ROBO1: variants seen among roughly 807,000 people sequenced by gnomAD.
ROBO1 encodes the protein roundabout homolog 1.
In ROBO1, 149 loss-of-function variants were observed where a neutral mutation model predicts 195.9. The ratio of observed to expected loss-of-function variants is 0.76; its 90% CI spans 0.67 to 0.87. The LOEUF is 0.87. ROBO1 is among the 40% of genes least tolerant of loss of function. ROBO1 has a pLI of 0.00. For missense variants in ROBO1, 1,933 were observed against 2,068.3 expected, an observed-to-expected ratio of 0.93 and a Z score of 1.27; for synonymous variants, 816 against 733.2, an observed-to-expected ratio of 1.11 and a Z score of -1.82.
At chr3:79,019,622 A>C (rs2078055836) in intron 3 of ROBO1, among the ~76,000 whole-genome samples, 1 of 152,086 alleles carries the variant, frequency 6.6e-6, no homozygotes, top group Non-Finnish European at 1.5e-5. Flanking sequence ...TCCACAAGCC[A>C]GGGGTGCCCA....
chr3:79,321,809 A>G (rs370657140), intron 2 of ROBO1, among the ~76,000 whole-genome samples: 1 of 152,202 alleles, frequency 6.6e-6, no homozygotes, highest in Admixed American at 6.5e-5. Context: ...GCATGGGTCC[A>G]TGTCCGTAAA....
At chr3:79,287,622 C>T (rs1461685635) in intron 2 of ROBO1, among the ~76,000 whole-genome samples, 1 of 152,140 alleles carries the variant, frequency 6.6e-6, no homozygotes, top group African/African-American at 2.4e-5. Context: ...GGTGACACCA[C>T]CAACATTCCA....
intron 3 of ROBO1, among the ~76,000 whole-genome samples, chr3:79,029,804 G>C (rs1458844939): frequency 6.6e-6 from 1 of 152,126 alleles, no homozygotes; most frequent in Non-Finnish European, 1.5e-5. Context: ...TTACATATCA[G>C]ATTTCTGTGT....
At chr3:79,668,170 A>T (rs191661263) in intron 1 of ROBO1, among the ~76,000 whole-genome samples, 26 of 151,958 alleles carry the variant, frequency 1.7e-4, no homozygotes, top group African/African-American at 6.3e-4. Context: ...TATTTTATAC[A>T]TTACTGTAGC....
chr3:79,067,060 T>C (rs536158721), intron 3 of ROBO1, among the ~76,000 whole-genome samples: 4 of 152,060 alleles, frequency 2.6e-5, no homozygotes, highest in African/African-American at 9.6e-5. Context: ...TTGCTGTGAA[T>C]TACAAGTCTT....
intron 2 of ROBO1, among the ~76,000 whole-genome samples, chr3:79,151,557 C>A (rs1336034529): frequency 6.6e-6 from 1 of 151,758 alleles, no homozygotes; most frequent in Admixed American, 6.6e-5. Flanking sequence ...CTTCAGAGAA[C>A]AACCAGAGTG....
chr3:79,706,951 A>G (rs1947791356), intron 1 of ROBO1, among the ~76,000 whole-genome samples: 1 of 151,918 alleles, frequency 6.6e-6, no homozygotes, highest in African/African-American at 2.4e-5. Flanking sequence ...ATAAGAAATA[A>G]TTATTTGTAG....
At chr3:79,537,032 A>G (rs1157286326) in intron 2 of ROBO1, among the ~76,000 whole-genome samples, 2 of 102,694 alleles carry the variant, frequency 1.9e-5, no homozygotes, top group East Asian at 5.2e-4. Context: ...AGTAAAAGAA[A>G]CAATATTTTT....
At chr3:79,711,783 G>C (rs72899831) in intron 1 of ROBO1, among the ~76,000 whole-genome samples, 2,060 of 152,132 alleles carry the variant, frequency 0.014, 39 homozygotes, top group African/African-American at 0.047. Context: ...GGATGTCATT[G>C]TTCTTACATT....
chr3:78,993,247 G>T (rs571488756), intron 3 of ROBO1, among the ~76,000 whole-genome samples: 1 of 152,286 alleles, frequency 6.6e-6, no homozygotes, highest in Non-Finnish European at 1.5e-5. Flanking sequence ...ACAATAAGAT[G>T]CTCAAGGGTG....
intron 2 of ROBO1, among the ~76,000 whole-genome samples, chr3:79,452,683 T>C (rs1393403860): frequency 2.6e-5 from 4 of 152,246 alleles, no homozygotes; most frequent in Non-Finnish European, 4.4e-5. Context: ...TATTAATAAG[T>C]ATGTAGATTT....
intron 2 of ROBO1, among the ~76,000 whole-genome samples, chr3:79,398,814 T>C (rs77765904): frequency 0.093 from 13,991 of 150,612 alleles, 816 homozygotes; most frequent in South Asian, 0.13. Context: ...AAAAAGGTTA[T>C]TATTAGTGCC....
At chr3:78,673,581 T>C (rs1369680639) in intron 10 of ROBO1, among the ~76,000 whole-genome samples, 1 of 56,768 alleles carries the variant, frequency 1.8e-5, no homozygotes, top group Non-Finnish European at 3.4e-5. Context: ...TATATATATA[T>C]ATATATATAT....
At chr3:79,034,525 G>A (rs545250892) in intron 3 of ROBO1, among the ~76,000 whole-genome samples, 1 of 152,024 alleles carries the variant, frequency 6.6e-6, no homozygotes, top group East Asian at 1.9e-4. Context: ...AGGAAGCTAA[G>A]GAAATATTTC....
chr3:79,362,123 G>T (rs2109307081), intron 2 of ROBO1, among the ~76,000 whole-genome samples: 1 of 152,084 alleles, frequency 6.6e-6, no homozygotes, highest in Non-Finnish European at 1.5e-5. Flanking sequence ...CAAAATTTAA[G>T]TCTAACATTT....
chr3:78,923,848 C>T (rs1369888885), intron 4 of ROBO1, among the ~76,000 whole-genome samples: 1 of 152,074 alleles, frequency 6.6e-6, no homozygotes, highest in Non-Finnish European at 1.5e-5. Context: ...CAAACAGTCC[C>T]TCAAAGTAGG....
At chr3:79,635,444 A>G (rs1399457937) in intron 1 of ROBO1, among the ~76,000 whole-genome samples, 1 of 152,212 alleles carries the variant, frequency 6.6e-6, no homozygotes, top group Non-Finnish European at 1.5e-5. Context: ...AACAGAAAAT[A>G]AGTAAATTAT....
chr3:79,575,195 AATATATATATAACAGAT>A (rs1279401930), intron 2 of ROBO1, among the ~76,000 whole-genome samples: 50 of 51,504 alleles, frequency 9.7e-4, no homozygotes, highest in African/African-American at 2.8e-3. Flanking sequence ...CATATATATA[AATATATATATAACAGAT>A]ATATATATAT....
intron 1 of ROBO1, among the ~76,000 whole-genome samples, chr3:79,720,794 T>A (rs1449746295): frequency 0.025 from 704 of 28,452 alleles, 9 homozygotes; most frequent in African/African-American, 0.15. Context: ...AGTTGCTAAT[T>A]TTTTTTTTTT....
Sources: gnomAD v4.1 joint callset for allele counts (sites outside exome capture counted in the v4.1 genomes callset) on GRCh38, gnomAD v4.1.1 for gene constraint, MANE v1.5 for transcripts, NCBI Gene and HGNC (gene_info 2026-07-23, HGNC 2026-07-21) for gene names.